The following SNTG1 variants were observed in gnomAD, a reference collection of about 807,000 sequenced individuals.
SNTG1 encodes syntrophin gamma 1.
In SNTG1, 39 loss-of-function variants were observed where a neutral mutation model predicts 74.7. The ratio of observed to expected loss-of-function variants is 0.52; its 90% confidence interval spans 0.40 to 0.68. SNTG1 has a LOEUF of 0.68. Among genes scored for constraint, SNTG1 ranks in the 30% least tolerant of loss-of-function variants. The pLI is 0.00. For synonymous variants in SNTG1, 254 were observed against 217.1 expected (o/e 1.17, Z -1.49); for missense variants, 685 against 609.5 (o/e 1.12, Z -1.30).
Position 50,125,530 on chromosome 8 carries a change from T to C in SNTG1, c.-102-47031T>C, listed in dbSNP as rs1262629116. ...ATGCCTAGTAAGTTTAAATATGTAG[T>C]ATTAGAACATGATTTTTTTAATAAG... On this transcript the variant is annotated intron_variant, in intron 1 of 18. Transcript: ENST00000642720. 5.6e-5 allele frequency among the ~76,000 whole-genome samples: 8 copies of C among 142,146 alleles called. 2 individuals are homozygous for C. The highest frequency in any genetic ancestry group is 1.3e-4 in the Non-Finnish European group (8 of 63,790). The allele number at this position is 142,146 out of a possible 152,430, so 93.3% of individuals were successfully genotyped here.
intron 15 of SNTG1, among the ~76,000 whole-genome samples, chr8:50,696,581 T>A (rs1035289878): frequency 6.6e-6 from 1 of 152,034 alleles, no homozygotes; most frequent in African/African-American, 2.4e-5. Flanking sequence ...TCGAATCTTA[T>A]GGTCTTTAAT....
chr8:50,562,337 G>C (rs112250827), intron 12 of SNTG1, among the ~76,000 whole-genome samples: 1 of 152,120 alleles, frequency 6.6e-6, no homozygotes, highest in African/African-American at 2.4e-5. Flanking sequence ...TATCCAAGTG[G>C]GTCTAATGTG....
At chr8:50,674,988 T>A (rs532670223) in intron 15 of SNTG1, among the ~76,000 whole-genome samples, 51 of 152,268 alleles carry the variant, frequency 3.3e-4, no homozygotes, top group African/African-American at 1.2e-3. Context: ...AGTGAGTTTC[T>A]TAATCCTGAG....
chr8:50,774,328 A>C (rs2131799374), intron 18 of SNTG1, among the ~76,000 whole-genome samples: 1 of 152,094 alleles, frequency 6.6e-6, no homozygotes, highest in Middle Eastern at 3.4e-3. Flanking sequence ...TCACCAGCAA[A>C]AGGCCAGAGA....
intron 2 of SNTG1, among the ~76,000 whole-genome samples, chr8:50,353,004 C>A (rs1311937383): frequency 1.3e-5 from 2 of 152,004 alleles, no homozygotes; most frequent in Non-Finnish European, 2.9e-5. Context: ...TGGAACCAAC[C>A]CTAATGTCCC....
intron 4 of SNTG1, among the ~76,000 whole-genome samples, chr8:50,410,924 A>G (rs900861436): frequency 6.6e-6 from 1 of 152,214 alleles, no homozygotes; most frequent in Non-Finnish European, 1.5e-5. Flanking sequence ...CTTAGGTTGT[A>G]TTCTATAAAA....
intron 17 of SNTG1, among the ~76,000 whole-genome samples, chr8:50,730,689 A>G (rs2095510879): frequency 6.6e-6 from 1 of 152,216 alleles, no homozygotes; most frequent in Non-Finnish European, 1.5e-5. Context: ...AAGATGAAAT[A>G]AAAAGAATTT....
intron 8 of SNTG1, among the ~76,000 whole-genome samples, chr8:50,480,657 C>G (rs1188210066): frequency 6.6e-6 from 1 of 152,124 alleles, no homozygotes; most frequent in Non-Finnish European, 1.5e-5. Context: ...TAAAGTGTTT[C>G]TTTCACAGTG....
At position 49,950,140 on chromosome 8, in the gene SNTG1, TA is replaced by T. The variant is rs539854730; in HGVS notation, c.-103+37918del. ...AGATGCTGCCTCAAAAATCAATCAA[TA>T]AAAAAAAATAATTATTTAAAAACGC... On this transcript the variant is annotated intron_variant, in intron 1 of 18. Coordinates refer to ENST00000642720, the MANE Select transcript of SNTG1 (RefSeq NM_018967.5). Among the ~76,000 whole-genome samples the T allele has an allele frequency of 8.1e-4, 122 of 150,790 alleles. 1 individual carries two copies. Among genetic ancestry groups the T allele is most frequent in the Non-Finnish European group, 1.4e-3 (96 of 67,608 alleles).
Position 50,315,896 on chromosome 8 carries a change from A to C in SNTG1, c.-27-78316A>C, listed in dbSNP as rs143809437. On this transcript the variant is annotated intron_variant, in intron 2 of 18. Coordinates refer to ENST00000642720, the MANE Select transcript of SNTG1 (RefSeq NM_018967.5). ...TGTCTACCTTTCAGATTTTCATTGA[A>C]TAAATACTACCTGGAAGTTCAGAAA... Among the ~76,000 whole-genome samples the C allele has an allele frequency of 2.3e-3, 355 of 152,300 alleles. 3 individuals are homozygous for C. The highest frequency in any genetic ancestry group is 8.2e-3 in the African/African-American group (343 of 41,578).
rs372688185 is a variant in SNTG1, at chr8:50,413,041, C to A, written c.162+10697C>A. ...CTGATATCAAGATGGAAACTAAAAT[C>A]AGTTAATTAAAGCAATGGTGCCTGG... is the stretch of plus-strand genomic sequence containing the variant. On this transcript the variant is annotated intron_variant, in intron 4 of 18. Transcript: ENST00000642720. 1.1e-3 allele frequency among the ~76,000 whole-genome samples: 169 copies of A among 152,322 alleles called. 1 individual carries two copies. Among genetic ancestry groups the A allele is most frequent in the African/African-American group, 3.3e-3 (138 of 41,570 alleles).
intron 2 of SNTG1, among the ~76,000 whole-genome samples, chr8:50,297,801 C>G (rs1232940080): frequency 6.6e-6 from 1 of 151,482 alleles, no homozygotes; most frequent in Non-Finnish European, 1.5e-5. Context: ...AAAAGCAAAA[C>G]CAGAGAGAAG....
chr8:50,508,526 C>A (rs2094031434), intron 9 of SNTG1, among the ~76,000 whole-genome samples: 1 of 152,192 alleles, frequency 6.6e-6, no homozygotes, highest in African/African-American at 2.4e-5. Flanking sequence ...AACTAGTTTA[C>A]AGTCCCACCA....
At chr8:50,414,779 G>A (rs1444321422) in intron 4 of SNTG1, among the ~76,000 whole-genome samples, 1 of 151,868 alleles carries the variant, frequency 6.6e-6, no homozygotes, top group Non-Finnish European at 1.5e-5. Flanking sequence ...TTGTGGAAAA[G>A]CTATCAGATC....
chr8:50,267,046 A>G (rs981883234), intron 2 of SNTG1, among the ~76,000 whole-genome samples: 3 of 152,050 alleles, frequency 2.0e-5, no homozygotes, highest in African/African-American at 7.2e-5. Context: ...TCCTTAGGAC[A>G]TACTTTAAAT....
intron 1 of SNTG1, among the ~76,000 whole-genome samples, chr8:50,119,483 C>T (rs1304426475): frequency 7.1e-6 from 1 of 140,680 alleles, no homozygotes; most frequent in African/African-American, 2.6e-5. Flanking sequence ...TTGCAATTCA[C>T]CAAGAAACAA....
chr8:50,115,567 C>CAAAAAAAAAAAAAAAAAAAAAAAAAA (rs11386539), intron 1 of SNTG1, among the ~76,000 whole-genome samples: 3 of 40,512 alleles, frequency 7.4e-5, no homozygotes, highest in Admixed American at 3.9e-4. Context: ...GACTCTGTCT[C>CAAAAAAAAAAAAAAAAAAAAAAAAAA]AAAAAAAAAA....
intron 1 of SNTG1, among the ~76,000 whole-genome samples, chr8:50,028,602 AG>A (rs1563493432): frequency 7.2e-6 from 1 of 139,274 alleles, no homozygotes; most frequent in Non-Finnish European, 1.6e-5. Flanking sequence ...CAGTTTTGGG[AG>A]GGGGGAGGGA....
chr8:50,678,898 G>A (rs1174669214), intron 15 of SNTG1, among the ~76,000 whole-genome samples: 1 of 151,924 alleles, frequency 6.6e-6, no homozygotes, highest in African/African-American at 2.4e-5. Context: ...TCTTTTCCAA[G>A]GATATATCTA....
Sources: allele counts gnomAD v4.1 joint callset (sites outside exome capture counted in the v4.1 genomes callset), GRCh38; gene constraint gnomAD v4.1.1; transcripts MANE v1.5; gene names NCBI Gene and HGNC (gene_info 2026-07-23, HGNC 2026-07-21).